INO80D: variants seen among roughly 807,000 people sequenced by gnomAD.
INO80D encodes INO80 complex subunit D.
INO80D carries 21 observed loss-of-function variants against 87.6 expected under a neutral mutation model. That is an observed-to-expected ratio of 0.24 (90% CI 0.17 to 0.35). The LOEUF (loss-of-function observed/expected upper bound fraction) is 0.35, where lower values mean the gene tolerates loss of function less well. INO80D is among the 10% of genes least tolerant of loss of function. INO80D has a pLI of 1.00. For missense variants in INO80D, 982 were observed against 1,280.7 expected, an observed-to-expected ratio of 0.77 and a Z score of 3.56; for synonymous variants, 440 against 491.0, an observed-to-expected ratio of 0.90 and a Z score of 1.37.
rs1689168727 is a variant in INO80D, at chr2:206,045,415, CACA to C, written c.1073+1086_1073+1088del. ...TACATTGCTGAATATCTATTCAAAC[CACA>C]ACATTTTAAATAAATGGTTAGCTGA... On this transcript the variant is annotated intron_variant, in intron 5 of 10. Coordinates refer to ENST00000403263, the MANE Select transcript of INO80D (RefSeq NM_017759.5). Among the ~76,000 whole-genome samples, 4 of 152,212 alleles carry C rather than the reference CACA, an allele frequency of 2.6e-5. No individual in the cohort carries two copies. The South Asian group carries it at 8.3e-4, about 32-fold the overall frequency.
chr2:206,061,534 T>TA (rs2105889269), intron 3 of INO80D, among the ~76,000 whole-genome samples: 1 of 152,372 alleles, frequency 6.6e-6, no homozygotes, highest in South Asian at 2.1e-4. Context: ...ACTAGACAGA[T>TA]ATATTTAGCC....
At chr2:206,029,910 C>A (rs1371515449) in intron 5 of INO80D, among the ~76,000 whole-genome samples, 1 of 152,170 alleles carries the variant, frequency 6.6e-6, no homozygotes, top group Non-Finnish European at 1.5e-5. Flanking sequence ...GCCAATGATT[C>A]AAATATCTGA....
At chr2:206,008,045 A>C (rs112409022) in intron 9 of INO80D, 2 of 152,398 alleles carry the variant, frequency 1.3e-5, no homozygotes. Context: ...GCAATGGCGC[A>C]ATCTCGGCTC....
Position 206,056,580 on chromosome 2 carries a change from A to G in INO80D, c.582T>C (p.Phe194=). 6.2e-7 allele frequency: 1 copy of G among 1,611,918 alleles called. No homozygotes were observed. The highest frequency in any genetic ancestry group is 8.5e-7 in the Non-Finnish European group (1 of 1,178,978). Residue 194 remains phenylalanine, a synonymous_variant, in exon 4 of 11, where the codon TTT becomes TTC. Coordinates refer to ENST00000403263, the MANE Select transcript of INO80D (RefSeq NM_017759.5). ...TEILKVRQEH[F]SPPPAPSQQQ... ...GCTGTGAAGGTGCAGGAGGGGGACTAAAGTGCTCTTGTCGAACTTTTAAAA... is the reference window on the plus strand; with the variant it reads ...GCTGTGAAGGTGCAGGAGGGGGACTGAAGTGCTCTTGTCGAACTTTTAAAA...
In INO80D at chr2:206,004,731, G is replaced by C. The variant is rs370091646; in HGVS notation, c.2721C>G (p.Leu907=). The C allele has an allele frequency of 1.2e-6, 2 of 1,613,850 alleles. No individual in the cohort carries two copies. Among genetic ancestry groups the C allele is most frequent in the African/African-American group, 2.7e-5 (2 of 74,924 alleles). Residue 907 remains leucine (L), a synonymous_variant, in exon 11 of 11, where the codon CTC becomes CTG. Transcript: ENST00000403263. The surrounding 1 kb of genome is among the most constrained non-coding windows in gnomAD (Gnocchi z 4.9). ...LGDPSPFSNL[L]GADGHLLSTS... is the part of the protein sequence containing the mutation. ...TGGAAAGAAGATGTCCATCTGCGCC[G>C]AGAAGGTTGCTAAATGGAGAGGGGT...
At chr2:206,059,173 T>C (rs1474981775) in intron 3 of INO80D, among the ~76,000 whole-genome samples, 2 of 151,606 alleles carry the variant, frequency 1.3e-5, no homozygotes, top group Non-Finnish European at 2.9e-5. Context: ...CTGAGGTCAG[T>C]AGTTTGAGAC....
intron 1 of INO80D, among the ~76,000 whole-genome samples, chr2:206,077,561 A>G (rs1035759582): frequency 6.6e-6 from 1 of 152,202 alleles, no homozygotes; most frequent in Non-Finnish European, 1.5e-5. Flanking sequence ...TAGCAGAATG[A>G]GCACTGTTTG....
chr2:206,032,138 T>G (rs185332596), intron 5 of INO80D, among the ~76,000 whole-genome samples: 218 of 152,094 alleles, frequency 1.4e-3, no homozygotes, highest in African/African-American at 5.1e-3. Context: ...GAGAAGGAAA[T>G]CTCCAGCTGA....
intron 1 of INO80D, among the ~76,000 whole-genome samples, chr2:206,076,246 G>T (rs978748312): frequency 5.3e-5 from 8 of 152,104 alleles, no homozygotes; most frequent in Non-Finnish European, 1.0e-4. Context: ...CAGAATGTTT[G>T]TTTTCCAATA....
intron 1 of INO80D, among the ~76,000 whole-genome samples, chr2:206,082,895 A>G (rs1690323921): frequency 6.6e-6 from 1 of 152,258 alleles, no homozygotes; most frequent in South Asian, 2.1e-4. Flanking sequence ...CTCTAAAAAT[A>G]GTAGCAACAT....
chr2:206,042,680 C>CA (rs55655831), intron 5 of INO80D, among the ~76,000 whole-genome samples: 26,683 of 126,124 alleles, frequency 0.21, 3,059 homozygotes, highest in Non-Finnish European at 0.28. Flanking sequence ...GACTTTGTCT[C>CA]AAAAAAAAAA....
intron 6 of INO80D, among the ~76,000 whole-genome samples, chr2:206,023,970 A>G (rs1688535931): frequency 6.6e-6 from 1 of 152,294 alleles, no homozygotes; most frequent in South Asian, 2.1e-4. Context: ...CAAATACCAA[A>G]TTTTCCCAAA....
intron 1 of INO80D, among the ~76,000 whole-genome samples, chr2:206,077,871 C>G (rs1295324507): frequency 6.6e-6 from 1 of 151,982 alleles, no homozygotes; most frequent in Non-Finnish European, 1.5e-5. Context: ...GAAAATCTCT[C>G]CTTTCTGACC....
intron 4 of INO80D, among the ~76,000 whole-genome samples, chr2:206,052,282 G>A (rs771285278): frequency 6.6e-6 from 1 of 151,986 alleles, no homozygotes; most frequent in Non-Finnish European, 1.5e-5. Context: ...CCGCTTCCCG[G>A]GTCCCAGTTC....
rs1016242378 is a variant in INO80D at position 206,004,270 on chromosome 2, G to A, written c.*98C>T. 6.0e-6 allele frequency: 7 copies of A among 1,157,308 alleles called. No homozygotes were observed. In the African/African-American group the frequency reaches 9.3e-5, roughly 15 times the overall value. The allele number at this position is 1,157,308 out of a possible 1,614,324, so 71.7% of individuals were successfully genotyped here. ...GGGGGTGCCCCTCTGATCCCCATCT[G>A]TTATATCTTCTTTAGGAAAAGGGGA... On this transcript the variant is annotated 3_prime_UTR_variant, in exon 11 of 11. Coordinates refer to ENST00000403263, the MANE Select transcript of INO80D (RefSeq NM_017759.5). This position sits in a 1 kb window ranked among gnomAD's most constrained non-coding sequence, Gnocchi z 4.9.
chr2:206,056,343 G>A lies in INO80D; in HGVS notation c.819C>T (p.Pro273=). 6.2e-7 allele frequency: 1 copy of A among 1,613,974 alleles called. No homozygotes were observed. Among genetic ancestry groups the A allele is most frequent in the Non-Finnish European group, 8.5e-7 (1 of 1,179,876 alleles). ...GGTCAGTCCTGGGTGGGTCCACAGT[G>A]GGAGCCCTACTGGATGGCAGGAGGG... is the stretch of plus-strand genomic sequence containing the variant. ...PLPLLPSSRA[P]TVDPPRTDRI... The change falls in exon 4 of 11, where the codon CCC becomes CCT. Residue 273 remains proline, a synonymous_variant. Coordinates refer to ENST00000403263, the MANE Select transcript of INO80D (RefSeq NM_017759.5).
chr2:206,080,929 A>AAAAT, intron 1 of INO80D, among the ~76,000 whole-genome samples: 1 of 144,066 alleles, frequency 6.9e-6, no homozygotes, highest in Non-Finnish European at 1.5e-5. Context: ...AAAAAAAAAG[A>AAAAT]ATATTAAAAA....
chr2:206,009,830 T>C, intron 8 of INO80D, 36 bp from the exon 9 acceptor site: 2 of 1,529,388 alleles, frequency 1.3e-6, no homozygotes, highest in Non-Finnish European at 1.8e-6. Flanking sequence ...AAATTGAGAT[T>C]ATCTGGGATA....
At position 206,085,538 on chromosome 2, in the gene INO80D, G is replaced by T. The variant is rs1690430864; in HGVS notation, c.-124+363C>A. On this transcript the variant is annotated intron_variant, in intron 1 of 10. Transcript: ENST00000403263. This position sits in a 1 kb window ranked among gnomAD's most constrained non-coding sequence, Gnocchi z 4.5. The stretch of plus-strand genomic sequence containing the variant: ...GGGGCGCGCGGAGGCCCGGGGTGCG[G>T]GGGCAGGGCGCGGCTGCCGTGGGGC... The T allele has an allele frequency of 6.7e-6, 1 of 150,250 alleles. No homozygotes were observed. The highest frequency in any genetic ancestry group is 2.4e-5 in the African/African-American group (1 of 41,164). 9.3% of individuals were successfully genotyped at this position (150,250 alleles called of 1,614,324 possible).
Sources: gnomAD v4.1 joint callset for allele counts (sites outside exome capture counted in the v4.1 genomes callset) on GRCh38, gnomAD v4.1.1 for gene constraint, Gnocchi (gnomAD v3.1) non-coding constraint, MANE v1.5 for transcripts, NCBI Gene and HGNC (gene_info 2026-07-23, HGNC 2026-07-21) for gene names.